DOCK5: variants seen among roughly 807,000 people sequenced by gnomAD.
DOCK5 encodes dedicator of cytokinesis protein 5.
DOCK5 carries 142 observed loss-of-function variants against 251.8 expected under a neutral mutation model. The ratio of observed to expected loss-of-function variants is 0.56; its 90% confidence interval spans 0.49 to 0.65. The LOEUF is 0.65. Among genes scored for constraint, DOCK5 ranks in the 30% least tolerant of loss-of-function variants. The pLI is 0.00. For missense variants in DOCK5, 2,111 were observed against 2,312.3 expected, an observed-to-expected ratio of 0.91 and a Z score of 1.79; for synonymous variants, 842 against 835.5, an observed-to-expected ratio of 1.01 and a Z score of -0.13.
At chr8:25,189,951 A>G (rs983806849) in intron 1 of DOCK5, among the ~76,000 whole-genome samples, 6 of 152,076 alleles carry the variant, frequency 3.9e-5, no homozygotes, top group Non-Finnish European at 5.9e-5. Context: ...CAGTGGTGCA[A>G]TCTTGGCTCA....
At position 25,391,208 on chromosome 8, in the gene DOCK5, T is replaced by G. The variant is rs904024376; in HGVS notation, c.4356-688T>G. ...ATACACCACCACACCTGTGTGTGTGTGTGTGTGTGTGTGTGTGTGTGTGTG... is the reference window on the plus strand; with the variant it reads ...ATACACCACCACACCTGTGTGTGTGGGTGTGTGTGTGTGTGTGTGTGTGTG... On this transcript the variant is annotated intron_variant, in intron 42 of 51. Coordinates refer to ENST00000276440, the MANE Select transcript of DOCK5 (RefSeq NM_024940.8). Among the ~76,000 whole-genome samples the G allele has an allele frequency of 9.5e-4, 61 of 64,198 alleles. 1 individual carries two copies. The highest frequency in any genetic ancestry group is 3.9e-3 in the South Asian group (8 of 2,056). 42.1% of individuals were successfully genotyped at this position (64,198 alleles called of 152,430 possible). A position where few individuals can be genotyped will look rare whatever the true frequency, so the allele number is the denominator to read the frequency against.
At chr8:25,227,187 G>A (rs1802553342) in intron 1 of DOCK5, among the ~76,000 whole-genome samples, 1 of 152,144 alleles carries the variant, frequency 6.6e-6, no homozygotes, top group South Asian at 2.1e-4. Flanking sequence ...AGCAGCTCAC[G>A]TTCACACCAC....
intron 27 of DOCK5, 39 bp from the exon 28 acceptor site, chr8:25,358,924 C>A: frequency 1.3e-6 from 2 of 1,575,268 alleles, no homozygotes; most frequent in South Asian, 2.2e-5. Flanking sequence ...AGTTGGTGGT[C>A]TAAGGAGTCT....
At position 25,413,515 on chromosome 8, in the gene DOCK5, C is replaced by T. The variant is rs1801664710; in HGVS notation, c.*2217C>T. On this transcript the variant is annotated 3_prime_UTR_variant, in exon 52 of 52. Transcript: ENST00000276440. ...GAGCCTGGCACGACTTCTGAGAAGT[C>T]ACCCAGCAGACCGGCTAGAGGGGAT... 1 of 152,200 alleles carries T rather than the reference C, an allele frequency of 6.6e-6. No homozygotes were observed. Among genetic ancestry groups the T allele is most frequent in the Non-Finnish European group, 1.5e-5 (1 of 68,042 alleles). 9.4% of individuals were successfully genotyped at this position (152,200 alleles called of 1,614,324 possible). A position where few individuals can be genotyped will look rare whatever the true frequency, so the allele number is the denominator to read the frequency against.
intron 2 of DOCK5, among the ~76,000 whole-genome samples, chr8:25,263,296 G>T (rs1478679618): frequency 6.6e-6 from 1 of 151,706 alleles, no homozygotes; most frequent in Non-Finnish European, 1.5e-5. Flanking sequence ...CTGTCTTGGG[G>T]ACAGAAAAAT....
rs150302106 is a variant in DOCK5 at position 25,329,572 on chromosome 8, G to T, written c.1904-2679G>T. Among the ~76,000 whole-genome samples, 116 of 152,196 alleles carry T rather than the reference G, an allele frequency of 7.6e-4. No homozygotes were observed. In the East Asian group the frequency reaches 0.019, roughly 25 times the overall value. ...ATATCCTGAATTCTTACACATTTCT[G>T]ACAAGAATGTAAAATGAGGACAGTG... is the stretch of plus-strand genomic sequence containing the variant. On this transcript the variant is annotated intron_variant, in intron 18 of 51. Transcript: ENST00000276440.
chr8:25,388,325 CAT>C (rs751952586), intron 40 of DOCK5, among the ~76,000 whole-genome samples: 16 of 152,158 alleles, frequency 1.1e-4, no homozygotes, highest in Non-Finnish European at 2.1e-4. Flanking sequence ...AAAAAGGAAT[CAT>C]GTGTGGGCTA....
At chr8:25,377,193 A>T in intron 37 of DOCK5, 112 bp from the exon 38 acceptor site, 1 of 1,384,634 alleles carries the variant, frequency 7.2e-7, no homozygotes, top group Non-Finnish European at 9.5e-7. Context: ...TGTGTTTAAT[A>T]CATAATCTAA....
At chr8:25,362,877 C>T (rs1800711697) in intron 28 of DOCK5, among the ~76,000 whole-genome samples, 170 bp from the exon 29 acceptor site, 1 of 152,204 alleles carries the variant, frequency 6.6e-6, no homozygotes, top group African/African-American at 2.4e-5. Flanking sequence ...AATTGCATCA[C>T]AGCCAGCTGT....
intron 48 of DOCK5, among the ~76,000 whole-genome samples, chr8:25,407,035 T>TGTA (rs1801535033): frequency 6.6e-6 from 1 of 152,132 alleles, no homozygotes; most frequent in Admixed American, 6.5e-5. Flanking sequence ...ATATTTAAGC[T>TGTA]GTATCCTTCT....
intron 1 of DOCK5, among the ~76,000 whole-genome samples, chr8:25,188,701 A>G (rs6998375): frequency 0.69 from 105,709 of 152,108 alleles, 38,484 homozygotes; most frequent in Non-Finnish European, 0.79. Context: ...TATCAAGTGA[A>G]GTGACTGATC....
At position 25,399,946 on chromosome 8, in the gene DOCK5, T is replaced by C; in HGVS notation, c.4740T>C (p.Pro1580=). 2 of 1,613,722 alleles carry C rather than the reference T, an allele frequency of 1.2e-6. No individual in the cohort carries two copies. Among genetic ancestry groups the C allele is most frequent in the Non-Finnish European group, 1.7e-6 (2 of 1,179,774 alleles). The change falls in exon 46 of 52, where the codon CCT becomes CCC. Residue 1580 remains proline, a synonymous_variant. Coordinates refer to ENST00000276440, the MANE Select transcript of DOCK5 (RefSeq NM_024940.8). Reference sequence around the variant, plus strand: ...CAGAAAAGTACTTGCAGGAGCATCCTGAAGACCAGGAGAAGGTTGAGCTGC... The same window carrying C: ...CAGAAAAGTACTTGCAGGAGCATCCCGAAGACCAGGAGAAGGTTGAGCTGC... ...FFTEKYLQEH[P]EDQEKVELLK...
chr8:25,265,533 T>C (rs1394936985), intron 2 of DOCK5, among the ~76,000 whole-genome samples: 2 of 151,890 alleles, frequency 1.3e-5, no homozygotes, highest in African/African-American at 4.9e-5. Flanking sequence ...TAATGTGCCA[T>C]GTTACCAACC....
intron 1 of DOCK5, among the ~76,000 whole-genome samples, chr8:25,239,618 C>A (rs755617400): frequency 3.0e-4 from 46 of 151,978 alleles, no homozygotes; most frequent in Middle Eastern, 3.2e-3. Context: ...TGAGGTCTGC[C>A]AAACTAGCAG....
intron 7 of DOCK5, among the ~76,000 whole-genome samples, chr8:25,297,534 G>A (rs1042178795): frequency 6.6e-6 from 1 of 151,834 alleles, no homozygotes; most frequent in Non-Finnish European, 1.5e-5. Flanking sequence ...GATTACAGGC[G>A]TGAGCCACCA....
Position 25,330,037 on chromosome 8 carries a change from A to G in DOCK5, c.1904-2214A>G, listed in dbSNP as rs184011128. Reference sequence around the variant, plus strand: ...AGGAAATAAACCTCTGGGCTGATAGATGGGTACTTTGCCAGAGCTGAAGCT... The same window carrying G: ...AGGAAATAAACCTCTGGGCTGATAGGTGGGTACTTTGCCAGAGCTGAAGCT... On this transcript the variant is annotated intron_variant, in intron 18 of 51. Coordinates refer to ENST00000276440, the MANE Select transcript of DOCK5 (RefSeq NM_024940.8). Among the ~76,000 whole-genome samples, 111 of 152,232 alleles carry G rather than the reference A, an allele frequency of 7.3e-4. No individual in the cohort carries two copies. The East Asian group carries it at 0.019, about 25-fold the overall frequency.
chr8:25,338,592 C>T (rs751307125), intron 22 of DOCK5, among the ~76,000 whole-genome samples: 18 of 152,144 alleles, frequency 1.2e-4, no homozygotes, highest in Non-Finnish European at 2.4e-4. Flanking sequence ...GTGTTTTCCC[C>T]ACACATAATT....
At chr8:25,328,374 C>G (rs754351181) in intron 18 of DOCK5, among the ~76,000 whole-genome samples, 1 of 151,984 alleles carries the variant, frequency 6.6e-6, no homozygotes, top group Non-Finnish European at 1.5e-5. Flanking sequence ...GAGGGAAAGA[C>G]GGAGACTTGG....
At chr8:25,247,772 G>A (rs1372490915) in intron 2 of DOCK5, among the ~76,000 whole-genome samples, 1 of 152,058 alleles carries the variant, frequency 6.6e-6, no homozygotes, top group Non-Finnish European at 1.5e-5. Context: ...ATGCACTTGA[G>A]TCCAAACAGT....
Sources: allele counts gnomAD v4.1 joint callset (sites outside exome capture counted in the v4.1 genomes callset), GRCh38; gene constraint gnomAD v4.1.1; transcripts MANE v1.5; gene names NCBI Gene and HGNC (gene_info 2026-07-23, HGNC 2026-07-21).